The following FHIT variants were observed in gnomAD, a reference collection of about 807,000 sequenced individuals.
The protein encoded by FHIT is fragile histidine triad diadenosine triphosphatase, also known as bis(5'-adenosyl)-triphosphatase.
In FHIT, 19 loss-of-function variants were observed where a neutral mutation model predicts 17.9. The observed-to-expected ratio is 1.06, with a 90% CI of 0.74 to 1.56. The LOEUF (loss-of-function observed/expected upper bound fraction) is 1.56. Among genes scored for constraint, FHIT ranks in the 40% most tolerant of loss-of-function variants. The pLI, the probability that FHIT is intolerant of heterozygous loss-of-function variation, is 0.00. For missense variants in FHIT, 248 were observed against 189.2 expected, an observed-to-expected ratio of 1.31 and a Z score of -1.82; for synonymous variants, 81 against 69.7, an observed-to-expected ratio of 1.16 and a Z score of -0.81.
intron 4 of FHIT, among the ~76,000 whole-genome samples, chr3:60,584,405 C>G (rs2037842640): frequency 6.6e-6 from 1 of 151,940 alleles, no homozygotes; most frequent in African/African-American, 2.4e-5. Flanking sequence ...ACACATACAA[C>G]CCTTGTGAGC....
At chr3:59,772,945 A>C (rs988734402) in intron 8 of FHIT, among the ~76,000 whole-genome samples, 10 of 152,192 alleles carry the variant, frequency 6.6e-5, no homozygotes, top group Non-Finnish European at 1.3e-4. Flanking sequence ...TGCCACAACG[A>C]ACACATTTGT....
At chr3:59,888,036 G>C (rs1396820891) in intron 8 of FHIT, among the ~76,000 whole-genome samples, 1 of 152,178 alleles carries the variant, frequency 6.6e-6, no homozygotes, top group African/African-American at 2.4e-5. Context: ...TCTGCTCAGA[G>C]CTTGGAAAAT....
intron 7 of FHIT, among the ~76,000 whole-genome samples, chr3:59,956,825 C>G (rs999825238): frequency 3.3e-5 from 5 of 152,136 alleles, no homozygotes; most frequent in Admixed American, 3.3e-4. Context: ...AAGAAAAACA[C>G]TCAGTAAACA....
At chr3:61,161,972 G>T (rs996110555) in intron 2 of FHIT, among the ~76,000 whole-genome samples, 4 of 152,286 alleles carry the variant, frequency 2.6e-5, no homozygotes, top group Admixed American at 2.6e-4. Context: ...ATGATTTTTT[G>T]ATTCTCTCAA....
At chr3:60,648,281 T>C (rs2039909602) in intron 4 of FHIT, among the ~76,000 whole-genome samples, 1 of 152,208 alleles carries the variant, frequency 6.6e-6, no homozygotes, top group African/African-American at 2.4e-5. Context: ...TGCAATATGG[T>C]ATAAATCAAT....
chr3:61,043,756 C>T (rs1390796323), intron 2 of FHIT, among the ~76,000 whole-genome samples: 1 of 152,200 alleles, frequency 6.6e-6, no homozygotes, highest in Admixed American at 6.5e-5. Context: ...CCTCACACAG[C>T]CAAGTACCCC....
intron 5 of FHIT, among the ~76,000 whole-genome samples, chr3:60,441,788 A>ATGTATATGTGTGTGTGTG (rs1553772907): frequency 7.3e-4 from 9 of 12,328 alleles, no homozygotes; most frequent in South Asian, 1.9e-3. Context: ...ATAAAAATAT[A>ATGTATATGTGTGTGTGTG]TATATATATA....
chr3:60,418,495 T>A (rs546354894), intron 5 of FHIT, among the ~76,000 whole-genome samples: 1 of 144,418 alleles, frequency 6.9e-6, no homozygotes, highest in African/African-American at 2.6e-5. Context: ...TTTTCTTAAA[T>A]GGTATTGAAC....
At chr3:61,093,617 G>A (rs1297117574) in intron 2 of FHIT, among the ~76,000 whole-genome samples, 4 of 152,218 alleles carry the variant, frequency 2.6e-5, no homozygotes, top group Middle Eastern at 3.2e-3. Flanking sequence ...GTAGATCAGA[G>A]CAGATTTGAA....
intron 4 of FHIT, among the ~76,000 whole-genome samples, chr3:60,560,368 G>A (rs184639577): frequency 2.6e-5 from 4 of 151,896 alleles, no homozygotes; most frequent in East Asian, 1.9e-4. Context: ...CTGGGAATAC[G>A]GTCAGAGATT....
chr3:60,703,902 C>G (rs527800134), intron 4 of FHIT, among the ~76,000 whole-genome samples: 1 of 151,870 alleles, frequency 6.6e-6, no homozygotes, highest in African/African-American at 2.4e-5. Context: ...TTTATTTTGC[C>G]TATGGGAATA....
chr3:59,869,981 A>G (rs1008642852), intron 8 of FHIT, among the ~76,000 whole-genome samples: 5 of 152,058 alleles, frequency 3.3e-5, no homozygotes, highest in African/African-American at 1.2e-4. Context: ...TTGAGTGCTG[A>G]CTATTCTTGG....
chr3:59,875,358 C>T (rs1202137176), intron 8 of FHIT, among the ~76,000 whole-genome samples: 1 of 152,198 alleles, frequency 6.6e-6, no homozygotes, highest in East Asian at 1.9e-4. Flanking sequence ...CCAGGGAAGA[C>T]ATTGCCCCAG....
intron 1 of FHIT, 29 bp from the exon 2 acceptor site, chr3:61,200,694 G>C (rs1450413410): frequency 6.6e-6 from 1 of 152,652 alleles, no homozygotes; most frequent in Non-Finnish European, 1.5e-5. Flanking sequence ...GAAAGACAGA[G>C]TTGTCTGTGA....
At chr3:60,884,766 A>G (rs1328824513) in intron 3 of FHIT, among the ~76,000 whole-genome samples, 3 of 151,924 alleles carry the variant, frequency 2.0e-5, no homozygotes, top group Non-Finnish European at 2.9e-5. Context: ...TTCTATCTCT[A>G]TAAAAAAATT....
At chr3:60,995,931 C>T (rs183561211) in intron 3 of FHIT, among the ~76,000 whole-genome samples, 10 of 152,320 alleles carry the variant, frequency 6.6e-5, no homozygotes, top group African/African-American at 2.2e-4. Context: ...ACTCTTTCCT[C>T]AAGTGGTTCT....
At chr3:60,220,728 A>C (rs75280705) in intron 5 of FHIT, among the ~76,000 whole-genome samples, 2,447 of 152,272 alleles carry the variant, frequency 0.016, 65 homozygotes, top group African/African-American at 0.057. Context: ...GTGGCAACAA[A>C]AATTCAGGGA....
rs1702966228 is a variant in FHIT, at chr3:60,075,527, G to A, written c.104-61375C>T. ...TAAAATGATATTTCTCAAAGCAATG[G>A]TCAAATGAGTTTGGAAATCAGTAGA... On this transcript the variant is annotated intron_variant, in intron 5 of 9. Transcript: ENST00000492590. 2.0e-5 allele frequency among the ~76,000 whole-genome samples: 3 copies of A among 152,058 alleles called. No individual in the cohort carries two copies. The South Asian group carries it at 6.2e-4, about 32-fold the overall frequency.
chr3:60,046,169 A>G (rs1046741436), intron 5 of FHIT, among the ~76,000 whole-genome samples: 64 of 152,230 alleles, frequency 4.2e-4, no homozygotes, highest in African/African-American at 1.5e-3. Flanking sequence ...TAGACCATTC[A>G]ATAAAGCTGC....
Sources: gnomAD v4.1 joint callset for allele counts (sites outside exome capture counted in the v4.1 genomes callset) on GRCh38, gnomAD v4.1.1 for gene constraint, MANE v1.5 for transcripts, NCBI Gene and HGNC (gene_info 2026-07-23, HGNC 2026-07-21) for gene names.